Variants in MACROD2 observed in about 807,000 individuals in gnomAD.
The protein encoded by MACROD2 is ADP-ribose glycohydrolase MACROD2.
MACROD2 carries 36 observed loss-of-function variants against 70.4 expected under a neutral mutation model. The observed-to-expected ratio is 0.51, with a 90% CI of 0.39 to 0.68. The LOEUF (loss-of-function observed/expected upper bound fraction) is 0.68, where lower values mean the gene tolerates loss of function less well. MACROD2 is among the 30% of genes least tolerant of loss of function. The probability of loss-of-function intolerance (pLI) is 0.00; values close to 1 mark genes in which losing one functional copy is unlikely to be tolerated. For missense variants in MACROD2, 496 were observed against 538.4 expected, an observed-to-expected ratio of 0.92 and a Z score of 0.78; for synonymous variants, 172 against 178.8, an observed-to-expected ratio of 0.96 and a Z score of 0.30.
At chr20:15,005,294 T>C (rs2075026941) in intron 5 of MACROD2, among the ~76,000 whole-genome samples, 1 of 152,184 alleles carries the variant, frequency 6.6e-6, no homozygotes, top group Non-Finnish European at 1.5e-5. Context: ...ATTTTTCATC[T>C]CTGTAATAAT....
At chr20:14,556,746 G>C (rs1483307942) in intron 4 of MACROD2, among the ~76,000 whole-genome samples, 1 of 151,934 alleles carries the variant, frequency 6.6e-6, no homozygotes, top group Non-Finnish European at 1.5e-5. Flanking sequence ...AAGAAATCAA[G>C]ATAGAAATTT....
chr20:16,018,796 G>A (rs2066964029), intron 15 of MACROD2, among the ~76,000 whole-genome samples: 1 of 151,754 alleles, frequency 6.6e-6, no homozygotes, highest in South Asian at 2.1e-4. Flanking sequence ...TTCTTGTCTT[G>A]CAAGGAAATA....
intron 2 of MACROD2, among the ~76,000 whole-genome samples, chr20:14,070,091 A>G (rs566705275): frequency 4.6e-5 from 7 of 152,254 alleles, no homozygotes; most frequent in Admixed American, 6.5e-5. Flanking sequence ...GCTAATGAGC[A>G]ATATAAAGGA....
intron 10 of MACROD2, among the ~76,000 whole-genome samples, chr20:15,894,910 TCTC>T (rs1439298399): frequency 6.6e-6 from 1 of 152,136 alleles, no homozygotes; most frequent in African/African-American, 2.4e-5. Flanking sequence ...GGCTTCCAAA[TCTC>T]CTGTTGTAGT....
chr20:15,711,766 T>C (rs1489236180), intron 8 of MACROD2, among the ~76,000 whole-genome samples: 1 of 152,200 alleles, frequency 6.6e-6, no homozygotes, highest in Non-Finnish European at 1.5e-5. Flanking sequence ...TGCTTTAGAG[T>C]AATAGCACCT....
At chr20:15,362,014 T>TG (rs1349960341) in intron 6 of MACROD2, among the ~76,000 whole-genome samples, 1 of 151,392 alleles carries the variant, frequency 6.6e-6, no homozygotes, top group Admixed American at 6.6e-5. Flanking sequence ...CTTCCTTTTT[T>TG]TTTTTTTTCT....
chr20:15,041,101 T>G (rs2075352863), intron 5 of MACROD2, among the ~76,000 whole-genome samples: 1 of 152,212 alleles, frequency 6.6e-6, no homozygotes, highest in South Asian at 2.1e-4. Flanking sequence ...CTGTATTTAC[T>G]CACTTCCATG....
At chr20:15,678,278 A>G (rs2050099642) in intron 8 of MACROD2, among the ~76,000 whole-genome samples, 1 of 152,104 alleles carries the variant, frequency 6.6e-6, no homozygotes, top group African/African-American at 2.4e-5. Flanking sequence ...AAGCAGGAGG[A>G]TCCTTTGAGC....
At chr20:15,558,418 A>G (rs2048197358) in intron 8 of MACROD2, among the ~76,000 whole-genome samples, 1 of 152,180 alleles carries the variant, frequency 6.6e-6, no homozygotes, top group Non-Finnish European at 1.5e-5. Context: ...GGGTTTTGCT[A>G]TTACTTTCAA....
chr20:15,674,493 A>ACT (rs2050027619), intron 8 of MACROD2, among the ~76,000 whole-genome samples: 1 of 152,084 alleles, frequency 6.6e-6, no homozygotes, highest in Non-Finnish European at 1.5e-5. Context: ...GAAGCCCCTT[A>ACT]CTAAGCCATT....
At chr20:15,211,443 C>T (rs1227660176) in intron 5 of MACROD2, among the ~76,000 whole-genome samples, 1 of 151,942 alleles carries the variant, frequency 6.6e-6, no homozygotes, top group Non-Finnish European at 1.5e-5. Context: ...AAATGTAATC[C>T]CCAATGTTGG....
chr20:15,136,218 G>T lies in MACROD2; in HGVS notation c.419-93722G>T, dbSNP rs879705134. On this transcript the variant is annotated intron_variant, in intron 5 of 17. Transcript: ENST00000684519. ...CAGAATTGGAAAAAACTACTTTAAA[G>T]TTCATATGGAACCAAAAAAGAGCCC... 9.3e-3 allele frequency among the ~76,000 whole-genome samples: 1,365 copies of T among 146,498 alleles called. 17 individuals are homozygous for T. The highest frequency in any genetic ancestry group is 0.031 in the African/African-American group (1,223 of 39,162).
rs992173203 is a variant in MACROD2, at chr20:14,545,431, A to T, written c.301+51923A>T. Among the ~76,000 whole-genome samples, 14 of 152,220 alleles carry T rather than the reference A, an allele frequency of 9.2e-5. No individual in the cohort carries two copies. In the East Asian group the frequency reaches 2.7e-3, roughly 29 times the overall value. On this transcript the variant is annotated intron_variant, in intron 4 of 17. Coordinates refer to ENST00000684519, the MANE Select transcript of MACROD2 (RefSeq NM_001351661.2). ...GCCTACAGGATCAGATTCAGCTGTA[A>T]CCCAAAGGTCATGAGCAGAAGGAAC...
At chr20:14,959,336 G>A (rs1352309302) in intron 5 of MACROD2, among the ~76,000 whole-genome samples, 1 of 152,016 alleles carries the variant, frequency 6.6e-6, no homozygotes, top group African/African-American at 2.4e-5. Context: ...CGCCATGTTG[G>A]TCAGGCTTGT....
At chr20:14,758,535 T>A (rs901582446) in intron 5 of MACROD2, among the ~76,000 whole-genome samples, 1 of 152,154 alleles carries the variant, frequency 6.6e-6, no homozygotes. Flanking sequence ...GACTTAAAGA[T>A]AATTAGTTCA....
chr20:15,138,429 T>G (rs2076167011), intron 5 of MACROD2, among the ~76,000 whole-genome samples: 1 of 152,208 alleles, frequency 6.6e-6, no homozygotes, highest in Non-Finnish European at 1.5e-5. Flanking sequence ...AGATTTAAGC[T>G]ATTCTTTTTT....
chr20:14,514,134 G>C (rs990701773), intron 4 of MACROD2, among the ~76,000 whole-genome samples: 1 of 151,944 alleles, frequency 6.6e-6, no homozygotes, highest in African/African-American at 2.4e-5. Context: ...TACACTGTGA[G>C]AGACTTAGGA....
intron 8 of MACROD2, among the ~76,000 whole-genome samples, chr20:15,587,231 C>T (rs979166938): frequency 2.6e-5 from 4 of 152,258 alleles, no homozygotes; most frequent in Non-Finnish European, 4.4e-5. Context: ...CTGATAAACC[C>T]ATCAGATCTT....
intron 2 of MACROD2, among the ~76,000 whole-genome samples, chr20:14,010,629 CAGTT>C (rs1429828139): frequency 6.6e-6 from 1 of 151,808 alleles, no homozygotes; most frequent in Non-Finnish European, 1.5e-5. Flanking sequence ...TGTCTAATGT[CAGTT>C]TGTTTTCTGG....
Sources: gnomAD v4.1 joint callset for allele counts (sites outside exome capture counted in the v4.1 genomes callset) on GRCh38, gnomAD v4.1.1 for gene constraint, MANE v1.5 for transcripts, NCBI Gene and HGNC (gene_info 2026-07-23, HGNC 2026-07-21) for gene names.